MSRA: variants seen among roughly 807,000 people sequenced by gnomAD.
MSRA encodes the protein mitochondrial peptide methionine sulfoxide reductase.
MSRA carries 54 observed loss-of-function variants against 31.3 expected under a neutral mutation model. That is an observed-to-expected ratio of 1.73 (90% CI 1.39 to 2.17). The LOEUF is 2.17. Among genes scored for constraint, MSRA ranks in the 30% most tolerant of loss-of-function variants. MSRA has a pLI of 0.00. For synonymous variants in MSRA, 169 were observed against 116.5 expected (o/e 1.45, Z -2.90); for missense variants, 507 against 300.9 (o/e 1.69, Z -5.07).
chr8:10,329,262 G>A (rs1310538445), intron 5 of MSRA, among the ~76,000 whole-genome samples: 1 of 152,148 alleles, frequency 6.6e-6, no homozygotes, highest in Non-Finnish European at 1.5e-5. Flanking sequence ...AATTTCCCTG[G>A]ACCCAAATCA....
chr8:10,363,961 G>C (rs1395196268), intron 5 of MSRA, among the ~76,000 whole-genome samples: 1 of 151,946 alleles, frequency 6.6e-6, no homozygotes, highest in Non-Finnish European at 1.5e-5. Context: ...AACAAAAGAA[G>C]AACACATGTA....
chr8:10,349,167 A>G (rs1377894309), intron 5 of MSRA, among the ~76,000 whole-genome samples: 1 of 152,256 alleles, frequency 6.6e-6, no homozygotes, highest in Non-Finnish European at 1.5e-5. Context: ...AAGACAGAAT[A>G]CATTTATTGT....
At chr8:10,130,869 G>A (rs956450692) in intron 1 of MSRA, among the ~76,000 whole-genome samples, 7 of 152,162 alleles carry the variant, frequency 4.6e-5, no homozygotes, top group African/African-American at 1.2e-4. Flanking sequence ...TGACACCTCC[G>A]AGGAATAGCC....
rs17689337 is a variant in MSRA, at chr8:10,120,548, A to C, written c.142+65890A>C. ...CTTATGTTTTATCCAGCGTTACCTC[A>C]CGTCAATTCAGTTCAGTTCAATTAC... On this transcript the variant is annotated intron_variant, in intron 1 of 5. Transcript: ENST00000317173. Among the ~76,000 whole-genome samples, 1,028 of 152,270 alleles carry C rather than the reference A, an allele frequency of 6.8e-3. 11 individuals carry two copies. The highest frequency in any genetic ancestry group is 0.013 in the South Asian group (61 of 4,820).
chr8:10,138,044 T>G (rs975480523), intron 1 of MSRA, among the ~76,000 whole-genome samples: 1 of 152,176 alleles, frequency 6.6e-6, no homozygotes, highest in African/African-American at 2.4e-5. Context: ...AGTTTAGTGC[T>G]CATTTCACTG....
chr8:10,171,865 G>C (rs955387872), intron 1 of MSRA, among the ~76,000 whole-genome samples: 31 of 152,314 alleles, frequency 2.0e-4, no homozygotes, highest in African/African-American at 7.2e-4. Context: ...GTTTAGATTT[G>C]CCCAAGCATT....
chr8:10,099,992 G>C (rs1456716118), intron 1 of MSRA, among the ~76,000 whole-genome samples: 1 of 152,214 alleles, frequency 6.6e-6, no homozygotes, highest in Non-Finnish European at 1.5e-5. Context: ...AAGGCAGAGG[G>C]GATGGAGACA....
At chr8:10,278,693 A>T (rs1207583901) in intron 3 of MSRA, among the ~76,000 whole-genome samples, 1 of 152,224 alleles carries the variant, frequency 6.6e-6, no homozygotes, top group East Asian at 1.9e-4. Context: ...GAGATGAGAG[A>T]TAGAGCTCTA....
rs527296230 is a variant in MSRA at position 10,087,215 on chromosome 8, A to G, written c.142+32557A>G. On this transcript the variant is annotated intron_variant, in intron 1 of 5. Transcript: ENST00000317173. ...CCTTACTAATTTCAGCATACTATAAATACAACAAATACCTATAAAATGAGT... is the reference window on the plus strand; with the variant it reads ...CCTTACTAATTTCAGCATACTATAAGTACAACAAATACCTATAAAATGAGT... Among the ~76,000 whole-genome samples, 153 of 152,312 alleles carry G rather than the reference A, an allele frequency of 1.0e-3. 1 individual carries two copies. The highest frequency in any genetic ancestry group is 6.8e-3 in the Middle Eastern group (2 of 294).
chr8:10,380,247 G>A (rs923636789), intron 5 of MSRA, among the ~76,000 whole-genome samples: 1 of 152,150 alleles, frequency 6.6e-6, no homozygotes, highest in Non-Finnish European at 1.5e-5. Flanking sequence ...CTCTCTGGAT[G>A]ATTCCTACTC....
At chr8:10,221,768 G>C (rs12546137) in intron 2 of MSRA, among the ~76,000 whole-genome samples, 1 of 151,918 alleles carries the variant, frequency 6.6e-6, no homozygotes, top group Admixed American at 6.6e-5. Context: ...AGGTTGAGGG[G>C]TTGTAATTTA....
At chr8:10,283,834 T>TACACACACAC (rs1481715144) in intron 3 of MSRA, among the ~76,000 whole-genome samples, 20 of 71,078 alleles carry the variant, frequency 2.8e-4, no homozygotes, top group East Asian at 7.2e-4. Context: ...TATATATATA[T>TACACACACAC]ATACACACAC....
chr8:10,282,244 T>C (rs1030610245), intron 3 of MSRA, among the ~76,000 whole-genome samples: 1 of 152,222 alleles, frequency 6.6e-6, no homozygotes. Context: ...GGATCGTCCA[T>C]AATTTGCAGA....
chr8:10,177,171 C>G (rs1806123508), intron 1 of MSRA, among the ~76,000 whole-genome samples: 2 of 152,168 alleles, frequency 1.3e-5, no homozygotes, highest in Admixed American at 6.5e-5. Flanking sequence ...AAAGTTGGTA[C>G]TGGTGAAATG....
chr8:10,124,172 T>C (rs1801328961), intron 1 of MSRA, among the ~76,000 whole-genome samples: 1 of 152,100 alleles, frequency 6.6e-6, no homozygotes, highest in South Asian at 2.1e-4. Flanking sequence ...AAGACCTTCT[T>C]TGGGGACATT....
chr8:10,061,262 A>G (rs1353881548), intron 1 of MSRA, among the ~76,000 whole-genome samples: 2 of 152,152 alleles, frequency 1.3e-5, no homozygotes, highest in Non-Finnish European at 2.9e-5. Flanking sequence ...TGGATTGCAC[A>G]CTTGGATCTT....
intron 1 of MSRA, among the ~76,000 whole-genome samples, chr8:10,142,992 C>T (rs1425153729): frequency 2.0e-5 from 3 of 152,104 alleles, no homozygotes; most frequent in African/African-American, 4.8e-5. Flanking sequence ...TATTTTGCTC[C>T]ATTTCCCCAT....
At chr8:10,258,658 A>G (rs1798308637) in intron 3 of MSRA, among the ~76,000 whole-genome samples, 1 of 152,198 alleles carries the variant, frequency 6.6e-6, no homozygotes, top group African/African-American at 2.4e-5. Context: ...TATCATGAGA[A>G]AAGTCCAAAG....
At chr8:10,065,973 T>G (rs987389150) in intron 1 of MSRA, among the ~76,000 whole-genome samples, 1 of 149,402 alleles carries the variant, frequency 6.7e-6, no homozygotes, top group African/African-American at 2.4e-5. Flanking sequence ...GAAACTTCAA[T>G]TATATATATA....
Sources: allele counts gnomAD v4.1 joint callset (sites outside exome capture counted in the v4.1 genomes callset), GRCh38; gene constraint gnomAD v4.1.1; transcripts MANE v1.5; gene names NCBI Gene and HGNC (gene_info 2026-07-23, HGNC 2026-07-21).